Variants in PVT1 observed in about 807,000 individuals in gnomAD.
PVT1 encodes Pvt1 oncogene.
chr8:127,861,473 G>A lies in PVT1; in HGVS notation n.373-29116G>A, dbSNP rs145594367. ...AAAATTGATCAAATATAGATCACCC[G>A]TAATTATCACCCATCATTCTGACAC... On this transcript the variant is annotated intron_variant and non_coding_transcript_variant, in intron 2 of 10. Coordinates refer to ENST00000651587, the Ensembl canonical transcript of PVT1. 2.4e-3 allele frequency among the ~76,000 whole-genome samples: 360 copies of A among 152,132 alleles called. 1 individual carries two copies. The highest frequency in any genetic ancestry group is 4.0e-3 in the Non-Finnish European group (269 of 68,004).
chr8:128,008,822 G>A (rs1226121766), intron 4 of PVT1: 1 of 449,008 alleles, frequency 2.2e-6, no homozygotes, highest in Non-Finnish European at 5.0e-6. Context: ...CTCCCTGCAG[G>A]TTGGGGCCTG....
chr8:127,926,813 C>G (rs1816135701), intron 3 of PVT1, among the ~76,000 whole-genome samples: 1 of 152,204 alleles, frequency 6.6e-6, no homozygotes, highest in Non-Finnish European at 1.5e-5. Context: ...CCTGCTGGCT[C>G]TCTTTTCAGT....
chr8:127,926,661 G>A (rs1816133839), intron 3 of PVT1, among the ~76,000 whole-genome samples: 1 of 152,090 alleles, frequency 6.6e-6, no homozygotes, highest in African/African-American at 2.4e-5. Flanking sequence ...CCTTTCTCCT[G>A]AGGTTGCTCC....
chr8:127,925,049 G>A (rs988635474), intron 3 of PVT1, among the ~76,000 whole-genome samples: 6 of 152,156 alleles, frequency 3.9e-5, no homozygotes, highest in African/African-American at 1.4e-4. Context: ...TTTATTAGCA[G>A]TCACCTCTTT....
chr8:127,864,791 G>A lies in PVT1; in HGVS notation n.373-25798G>A, dbSNP rs556030225. On this transcript the variant is annotated intron_variant and non_coding_transcript_variant, in intron 2 of 10. Transcript: ENST00000651587. The stretch of plus-strand genomic sequence containing the variant: ...TCTCGATCTCCTGACCTCGTGATCC[G>A]CCCGCCTCAGCCTCCCAAAGTGCTG... Among the ~76,000 whole-genome samples the A allele has an allele frequency of 7.4e-4, 112 of 152,192 alleles. 1 individual carries two copies. The highest frequency in any genetic ancestry group is 3.9e-3 in the South Asian group (19 of 4,824).
At chr8:128,061,419 T>C (rs909957148) in intron 4 of PVT1, among the ~76,000 whole-genome samples, 2 of 152,204 alleles carry the variant, frequency 1.3e-5, no homozygotes, top group African/African-American at 4.8e-5. Context: ...CACTGGGTTG[T>C]TTCTTTGGGG....
chr8:128,021,763 A>G (rs1017452860), intron 4 of PVT1, among the ~76,000 whole-genome samples: 1 of 152,240 alleles, frequency 6.6e-6, no homozygotes, highest in Non-Finnish European at 1.5e-5. Flanking sequence ...ATTTTAATGA[A>G]CAACTGCAGG....
At position 127,975,804 on chromosome 8, in the gene PVT1, A is replaced by T. The variant is rs56403841; in HGVS notation, n.783-13358A>T. On this transcript the variant is annotated intron_variant and non_coding_transcript_variant, in intron 3 of 10. Coordinates refer to ENST00000651587, the Ensembl canonical transcript of PVT1. ...TTCGGTTTCCTAGCTTGAAAAACGA[A>T]GAGAAGAAAAGTCCCTGTGTGTTCA... is the stretch of plus-strand genomic sequence containing the variant. Among the ~76,000 whole-genome samples the T allele has an allele frequency of 5.3e-3, 801 of 152,296 alleles. 1 individual carries two copies. Among genetic ancestry groups the T allele is most frequent in the Middle Eastern group, 0.014 (4 of 294 alleles).
At chr8:127,829,221 G>A (rs959744369) in intron 2 of PVT1, among the ~76,000 whole-genome samples, 2 of 152,150 alleles carry the variant, frequency 1.3e-5, no homozygotes, top group African/African-American at 4.8e-5. Flanking sequence ...AGGTTGCAGT[G>A]AGCCAAGATC....
chr8:127,832,765 G>A (rs1190533286), intron 2 of PVT1, among the ~76,000 whole-genome samples: 2 of 152,176 alleles, frequency 1.3e-5, no homozygotes, highest in East Asian at 1.9e-4. Context: ...GGCTGAGGCA[G>A]GAGAATGGTG....
intron 4 of PVT1, among the ~76,000 whole-genome samples, chr8:128,024,105 A>G (rs1817467336): frequency 6.6e-6 from 1 of 152,104 alleles, no homozygotes. Context: ...AGCCTCTTAC[A>G]CCCCACCACC....
chr8:128,061,029 C>T (rs1813824276), intron 4 of PVT1, among the ~76,000 whole-genome samples: 1 of 152,008 alleles, frequency 6.6e-6, no homozygotes, highest in African/African-American at 2.4e-5. Flanking sequence ...CCTGCCTCAG[C>T]CTCCCAAGTA....
At chr8:127,835,300 C>T (rs1227545301) in intron 2 of PVT1, among the ~76,000 whole-genome samples, 1 of 152,100 alleles carries the variant, frequency 6.6e-6, no homozygotes, top group Non-Finnish European at 1.5e-5. Context: ...TTTGCAGGGA[C>T]TTGGATGAAG....
chr8:128,047,277 A>G (rs901614402), intron 4 of PVT1, among the ~76,000 whole-genome samples: 6 of 152,214 alleles, frequency 3.9e-5, no homozygotes, highest in Non-Finnish European at 4.4e-5. Flanking sequence ...TCTAGGAATG[A>G]CCTGTGAGAA....
Position 127,939,089 on chromosome 8 carries a change from C to T in PVT1, n.782+48091C>T, listed in dbSNP as rs116683848. Among the ~76,000 whole-genome samples, 118 of 152,308 alleles carry T rather than the reference C, an allele frequency of 7.7e-4. 1 individual carries two copies. The highest frequency in any genetic ancestry group is 3.5e-3 in the Admixed American group (53 of 15,302). ...TTGGACCAAGGGGTCTTCTTGCTTC[C>T]GCTTTCTCTAGGCCAAGGCTTTGCA... On this transcript the variant is annotated intron_variant and non_coding_transcript_variant, in intron 3 of 10. Coordinates refer to ENST00000651587, the Ensembl canonical transcript of PVT1.
chr8:128,072,822 ATTTTAT>A (rs1304415252), intron 5 of PVT1, among the ~76,000 whole-genome samples: 1 of 151,684 alleles, frequency 6.6e-6, no homozygotes, highest in Non-Finnish European at 1.5e-5. Context: ...ATTTTATTTT[ATTTTAT>A]TTTTATTTTT....
intron 5 of PVT1, among the ~76,000 whole-genome samples, chr8:128,074,538 G>C (rs973129103): frequency 1.3e-5 from 2 of 151,008 alleles, no homozygotes; most frequent in East Asian, 1.9e-4. Context: ...AAAAAAAAAG[G>C]GGGGGGCTCC....
At chr8:127,937,088 C>T (rs1816285627) in intron 3 of PVT1, among the ~76,000 whole-genome samples, 1 of 152,216 alleles carries the variant, frequency 6.6e-6, no homozygotes, top group Non-Finnish European at 1.5e-5. Context: ...CCGCATCATC[C>T]ACTGGGTGAT....
chr8:127,919,814 C>T (rs1447196072), intron 3 of PVT1, among the ~76,000 whole-genome samples: 1 of 152,386 alleles, frequency 6.6e-6, no homozygotes, highest in East Asian at 1.9e-4. Flanking sequence ...GCAGGCCCAC[C>T]ATTCCACTGT....
Sources: gnomAD v4.1 joint callset for allele counts (sites outside exome capture counted in the v4.1 genomes callset) on GRCh38, gnomAD v4.1.1 for gene constraint, MANE v1.5 for transcripts, NCBI Gene and HGNC (gene_info 2026-07-23, HGNC 2026-07-21) for gene names.